MKLN1: variants seen among roughly 807,000 people sequenced by gnomAD.
MKLN1 encodes the protein muskelin 1.
Under a neutral mutation model 99.0 loss-of-function variants are expected in MKLN1, and 18 were observed. The observed-to-expected ratio is 0.18, with a 90% CI of 0.13 to 0.27. MKLN1 has a LOEUF of 0.27. MKLN1 is among the 10% of genes least tolerant of loss of function. The probability of loss-of-function intolerance (pLI) is 1.00; values close to 1 mark genes in which losing one functional copy is unlikely to be tolerated. For missense variants in MKLN1, 621 were observed against 875.9 expected (o/e 0.71, Z 3.67); for synonymous variants, 288 against 293.2 (o/e 0.98, Z 0.18).
chr7:131,444,783 G>T (rs1179698526), intron 11 of MKLN1, among the ~76,000 whole-genome samples: 1 of 146,424 alleles, frequency 6.8e-6, no homozygotes, highest in African/African-American at 2.5e-5. Flanking sequence ...AGTAGTAGTA[G>T]TAGTAGTAGT....
chr7:131,197,438 CAGA>C (rs1796665737), intron 2 of MKLN1, among the ~76,000 whole-genome samples: 1 of 148,898 alleles, frequency 6.7e-6, no homozygotes, highest in Non-Finnish European at 1.5e-5. Flanking sequence ...TTTGTAAAGA[CAGA>C]GTCTCATTAT....
chr7:131,224,383 T>C (rs1264596071), intron 3 of MKLN1, among the ~76,000 whole-genome samples: 1 of 151,922 alleles, frequency 6.6e-6, no homozygotes, highest in Admixed American at 6.5e-5. Flanking sequence ...CCATCTCTAC[T>C]AAAAATACAA....
At position 131,408,697 on chromosome 7, in the gene MKLN1, A is replaced by G. The variant is rs116231926; in HGVS notation, c.704-2609A>G. The stretch of plus-strand genomic sequence containing the variant: ...ACTGGTTTTGAACTCCTGGCCTTGA[A>G]TGATCCTCCTGCCTTAGCCTCCCAA... On this transcript the variant is annotated intron_variant, in intron 6 of 17. Coordinates refer to ENST00000352689, the MANE Select transcript of MKLN1 (RefSeq NM_013255.5). Among the ~76,000 whole-genome samples the G allele has an allele frequency of 1.6e-3, 238 of 152,190 alleles. 2 individuals are homozygous for G. Among genetic ancestry groups the G allele is most frequent in the African/African-American group, 5.2e-3 (215 of 41,538 alleles).
intron 3 of MKLN1, among the ~76,000 whole-genome samples, chr7:131,226,778 T>C (rs1190484424): frequency 6.6e-6 from 1 of 152,136 alleles, no homozygotes; most frequent in Non-Finnish European, 1.5e-5. Flanking sequence ...ATCCTCTCAT[T>C]TGCTGTGTGT....
intron 3 of MKLN1, among the ~76,000 whole-genome samples, chr7:131,286,709 C>T (rs771173722): frequency 6.6e-6 from 1 of 152,112 alleles, no homozygotes; most frequent in African/African-American, 2.4e-5. Flanking sequence ...GTTCTTGTTT[C>T]GAATAAGAAT....
At chr7:131,274,102 T>A (rs1391329569) in intron 3 of MKLN1, among the ~76,000 whole-genome samples, 2 of 152,180 alleles carry the variant, frequency 1.3e-5, no homozygotes, top group East Asian at 3.8e-4. Context: ...AAACATGACA[T>A]GTCCTCTGAC....
At chr7:131,179,578 T>TTATTC (rs1446792098) in intron 2 of MKLN1, among the ~76,000 whole-genome samples, 1 of 95,780 alleles carries the variant, frequency 1.0e-5, no homozygotes, top group African/African-American at 3.8e-5. Context: ...TATTATTATT[T>TTATTC]TGTTGTTGTT....
At chr7:131,224,849 A>G (rs1173065581) in intron 3 of MKLN1, among the ~76,000 whole-genome samples, 2 of 152,004 alleles carry the variant, frequency 1.3e-5, no homozygotes, top group East Asian at 3.9e-4. Context: ...CGAGGTGGGC[A>G]GATCATGAGG....
chr7:131,283,092 T>G (rs1464916029), intron 3 of MKLN1, among the ~76,000 whole-genome samples: 1 of 152,158 alleles, frequency 6.6e-6, no homozygotes, highest in Non-Finnish European at 1.5e-5. Context: ...CTGAGAGGGC[T>G]CTTCAGTGTC....
In MKLN1 at chr7:131,494,727, G is replaced by A. The variant is rs1436840261; in HGVS notation, c.*6999G>A. 6.6e-6 allele frequency: 1 copy of A among 152,134 alleles called. No individual in the cohort carries two copies. Among genetic ancestry groups the A allele is most frequent in the Non-Finnish European group, 1.5e-5 (1 of 68,022 alleles). 9.4% of individuals were successfully genotyped at this position (152,134 alleles called of 1,614,324 possible). A position where few individuals can be genotyped will look rare whatever the true frequency, so the allele number is the denominator to read the frequency against. On this transcript the variant is annotated 3_prime_UTR_variant, in exon 18 of 18. Coordinates refer to ENST00000352689, the MANE Select transcript of MKLN1 (RefSeq NM_013255.5). ...AGCATTACAATTAGCCTGGGCAAGA[G>A]GTGTTATGATTGTCTTATTCTTTAA...
At chr7:131,144,806 C>T (rs1350662851) in intron 2 of MKLN1, among the ~76,000 whole-genome samples, 1 of 152,018 alleles carries the variant, frequency 6.6e-6, no homozygotes, top group Non-Finnish European at 1.5e-5. Context: ...GGAGAAACCC[C>T]GTGTCTACTA....
intron 1 of MKLN1, among the ~76,000 whole-genome samples, chr7:131,354,217 G>C (rs1799806147): frequency 6.6e-6 from 1 of 152,046 alleles, no homozygotes; most frequent in South Asian, 2.1e-4. Context: ...CATTTTGGGA[G>C]AATTGCCATC....
chr7:131,279,769 T>C (rs2116575819), intron 3 of MKLN1, among the ~76,000 whole-genome samples: 1 of 152,334 alleles, frequency 6.6e-6, no homozygotes, highest in Non-Finnish European at 1.5e-5. Flanking sequence ...ATTGCACCTC[T>C]GCATTCCAGC....
intron 2 of MKLN1, among the ~76,000 whole-genome samples, chr7:131,164,299 G>T (rs1468433688): frequency 6.6e-6 from 1 of 152,122 alleles, no homozygotes; most frequent in Non-Finnish European, 1.5e-5. Flanking sequence ...TTTTTTGGTA[G>T]AGATGTGGTC....
intron 2 of MKLN1, among the ~76,000 whole-genome samples, chr7:131,182,501 A>T (rs944961956): frequency 6.6e-6 from 1 of 152,230 alleles, no homozygotes; most frequent in African/African-American, 2.4e-5. Context: ...CCTCCAGTTG[A>T]GTGAGAAGAA....
intron 4 of MKLN1, among the ~76,000 whole-genome samples, chr7:131,396,048 A>G (rs1168192649): frequency 6.6e-6 from 1 of 150,688 alleles, no homozygotes; most frequent in Non-Finnish European, 1.5e-5. Context: ...GTTTACAAAT[A>G]AAAAGTTTTT....
intron 3 of MKLN1, among the ~76,000 whole-genome samples, chr7:131,215,417 C>G (rs1038358768): frequency 6.6e-6 from 1 of 152,150 alleles, no homozygotes; most frequent in African/African-American, 2.4e-5. Flanking sequence ...ACCACAATAA[C>G]TCACTGCAGC....
chr7:131,157,658 T>C (rs544842249), intron 2 of MKLN1, among the ~76,000 whole-genome samples: 1 of 152,308 alleles, frequency 6.6e-6, no homozygotes, highest in South Asian at 2.1e-4. Flanking sequence ...TCTCTCCTTT[T>C]GACCTCTTTT....
At chr7:131,383,403 A>G (rs3847105) in intron 2 of MKLN1, among the ~76,000 whole-genome samples, 72,981 of 151,926 alleles carry the variant, frequency 0.48, 17,975 homozygotes, top group East Asian at 0.68. Flanking sequence ...CCCAATCCCA[A>G]TTAACCCCAG....
Sources: allele counts gnomAD v4.1 joint callset (sites outside exome capture counted in the v4.1 genomes callset), GRCh38; gene constraint gnomAD v4.1.1; transcripts MANE v1.5; gene names NCBI Gene and HGNC (gene_info 2026-07-23, HGNC 2026-07-21).